Variants in P2RY12 observed in about 807,000 individuals in gnomAD.
The protein encoded by P2RY12 is purinergic receptor P2Y12, also known as P2Y purinoceptor 12.
In P2RY12, 3 loss-of-function variants were observed where a neutral mutation model predicts 4.5. That is an observed-to-expected ratio of 0.67 (90% CI 0.31 to 1.74). The LOEUF is 1.74. Among genes scored for constraint, P2RY12 ranks in the 40% most tolerant of loss-of-function variants. P2RY12 has a pLI of 0.09. For missense variants in P2RY12, 356 were observed against 407.8 expected, an observed-to-expected ratio of 0.87 and a Z score of 1.09; for synonymous variants, 148 against 154.1, an observed-to-expected ratio of 0.96 and a Z score of 0.29.
At chr3:151,355,539 T>C (rs1281363037) in intron 1 of P2RY12, among the ~76,000 whole-genome samples, 1 of 152,210 alleles carries the variant, frequency 6.6e-6, no homozygotes, top group Non-Finnish European at 1.5e-5. Flanking sequence ...ATGAGAAATC[T>C]GTTGATGATT....
intron 1 of P2RY12, chr3:151,377,047 A>G: frequency 1.2e-6 from 2 of 1,614,120 alleles, no homozygotes; most frequent in Non-Finnish European, 1.7e-6. Flanking sequence ...CAAAGGCAAC[A>G]ATAGAGGTAT....
At chr3:151,345,099 A>G (rs774591030) in intron 1 of P2RY12, among the ~76,000 whole-genome samples, 3 of 152,214 alleles carry the variant, frequency 2.0e-5, no homozygotes, top group African/African-American at 7.2e-5. Context: ...TTCTTCATCT[A>G]TTAAGTTTCT....
Position 151,338,761 on chromosome 3 carries a change from G to C in P2RY12, c.85C>G (p.Pro29Ala). Residue 29 changes from proline to alanine, a missense_variant, in exon 3 of 3, where the codon CCA becomes GCA. Pro to Ala is a conservative substitution (Grantham distance 27). Transcript: ENST00000302632. ...RDYKITQVLF[P>A]LLYTVLFFVG... ...AAAAACAGGACAGTGTAGAGCAGTGGGAAGAGGACCTGGGTGATTTTGTAG... is the reference window on the plus strand; with the variant it reads ...AAAAACAGGACAGTGTAGAGCAGTGCGAAGAGGACCTGGGTGATTTTGTAG... 6.2e-7 allele frequency: 1 copy of C among 1,613,464 alleles called. No homozygotes were observed. The highest frequency in any genetic ancestry group is 8.5e-7 in the Non-Finnish European group (1 of 1,179,788).
At chr3:151,366,699 C>T (rs897879633) in intron 1 of P2RY12, among the ~76,000 whole-genome samples, 2 of 152,104 alleles carry the variant, frequency 1.3e-5, no homozygotes, top group Non-Finnish European at 2.9e-5. Context: ...TGAAGGTTGA[C>T]TTCTGAATTC....
At chr3:151,355,093 A>G (rs1226360829) in intron 1 of P2RY12, 2 of 1,548,112 alleles carry the variant, frequency 1.3e-6, no homozygotes, top group East Asian at 2.2e-5. Flanking sequence ...TAAATGGAAA[A>G]TAATGGATCT....
chr3:151,355,344 T>G (rs1753777188), intron 1 of P2RY12: 2 of 688,978 alleles, frequency 2.9e-6, no homozygotes, highest in Non-Finnish European at 2.5e-6. Context: ...TAGACATATA[T>G]TTTATAAACA....
intron 1 of P2RY12, chr3:151,365,013 A>G (rs770859449): frequency 6.2e-7 from 1 of 1,614,032 alleles, no homozygotes; most frequent in Non-Finnish European, 8.5e-7. Context: ...AACCATATAT[A>G]ATAACGTGAT....
At chr3:151,360,110 C>T (rs532030374) in intron 1 of P2RY12, among the ~76,000 whole-genome samples, 30 of 152,234 alleles carry the variant, frequency 2.0e-4, no homozygotes, top group Non-Finnish European at 3.8e-4. Context: ...AATCTTTGCA[C>T]GCTGATGGAA....
intron 1 of P2RY12, among the ~76,000 whole-genome samples, chr3:151,356,284 TG>T (rs1314385306): frequency 1.3e-5 from 2 of 151,930 alleles, no homozygotes; most frequent in Non-Finnish European, 2.9e-5. Flanking sequence ...CCCAGCTACT[TG>T]GGAGGCTGAG....
At chr3:151,345,517 CTTTTTTTT>C (rs201731496) in intron 1 of P2RY12, among the ~76,000 whole-genome samples, 1 of 131,654 alleles carries the variant, frequency 7.6e-6, no homozygotes, top group African/African-American at 2.8e-5. Flanking sequence ...TTTTCTTTTT[CTTTTTTTT>C]TTTTTTTTTG....
intron 1 of P2RY12, among the ~76,000 whole-genome samples, chr3:151,371,294 C>T (rs1756152881): frequency 6.6e-6 from 1 of 152,094 alleles, no homozygotes; most frequent in African/African-American, 2.4e-5. Flanking sequence ...TTAATTTCTA[C>T]AATGTAACTC....
intron 1 of P2RY12, chr3:151,377,908 C>A: frequency 8.8e-7 from 1 of 1,137,278 alleles, no homozygotes. Flanking sequence ...TTAGAACAGT[C>A]TGTGTGTCTC....
At position 151,383,936 on chromosome 3, in the gene P2RY12, A is replaced by G. The variant is rs776243435; in HGVS notation, c.-180+756T>C. 10 of 1,528,652 alleles carry G rather than the reference A, an allele frequency of 6.5e-6. No individual in the cohort carries two copies. In the Admixed American group the frequency reaches 8.9e-5, roughly 14 times the overall value. 94.7% of individuals were successfully genotyped at this position (1,528,652 alleles called of 1,614,324 possible). A position where few individuals can be genotyped will look rare whatever the true frequency, so the allele number is the denominator to read the frequency against. On this transcript the variant is annotated intron_variant, in intron 1 of 2. Transcript: ENST00000302632. Reference sequence around the variant, plus strand: ...TGATTTTGCTACATGTATGCATGGTATAAGCTTTGATATACTGATGGCGAT... The same window carrying G: ...TGATTTTGCTACATGTATGCATGGTGTAAGCTTTGATATACTGATGGCGAT...
chr3:151,358,675 G>A (rs1334784552), intron 1 of P2RY12, among the ~76,000 whole-genome samples: 1 of 152,004 alleles, frequency 6.6e-6, no homozygotes, highest in Non-Finnish European at 1.5e-5. Flanking sequence ...AATCATATTT[G>A]ACATTAACTT....
chr3:151,383,743 C>A, intron 1 of P2RY12: 1 of 1,394,916 alleles, frequency 7.2e-7, no homozygotes, highest in Non-Finnish European at 1.0e-6. Context: ...TTCTGTTTTA[C>A]AGAATGCAAA....
At chr3:151,362,514 T>A (rs1754735436) in intron 1 of P2RY12, among the ~76,000 whole-genome samples, 1 of 152,040 alleles carries the variant, frequency 6.6e-6, no homozygotes. Context: ...CACGACTGTC[T>A]CCCTGAGCAC....
intron 1 of P2RY12, among the ~76,000 whole-genome samples, chr3:151,356,338 G>GTTGTATGAT (rs1290707950): frequency 3.3e-5 from 5 of 152,030 alleles, no homozygotes; most frequent in Non-Finnish European, 7.4e-5. Flanking sequence ...GATGCAATAA[G>GTTGTATGAT]CCATGATCAT....
At chr3:151,340,571 C>G (rs1272997904) in intron 2 of P2RY12, 25 bp downstream of exon 2, 1 of 152,520 alleles carries the variant, frequency 6.6e-6, no homozygotes, top group East Asian at 1.9e-4. Context: ...ATATATTTGT[C>G]AAGTACTTGT....
chr3:151,349,260 A>G (rs1015618823), intron 1 of P2RY12, among the ~76,000 whole-genome samples: 1 of 152,040 alleles, frequency 6.6e-6, no homozygotes, highest in African/African-American at 2.4e-5. Flanking sequence ...GGGGAAAAAA[A>G]TGGTGCTTGG....
Sources: gnomAD v4.1 joint callset for allele counts (sites outside exome capture counted in the v4.1 genomes callset) on GRCh38, gnomAD v4.1.1 for gene constraint, MANE v1.5 for transcripts, NCBI Gene and HGNC (gene_info 2026-07-23, HGNC 2026-07-21) for gene names.